The following CDKAL1 variants were observed in gnomAD, a reference collection of about 807,000 sequenced individuals.
CDKAL1 encodes the protein threonylcarbamoyladenosine tRNA methylthiotransferase.
Under a neutral mutation model 68.2 loss-of-function variants are expected in CDKAL1, and 32 were observed. The ratio of observed to expected loss-of-function variants is 0.47; its 90% confidence interval spans 0.35 to 0.63. CDKAL1 has a LOEUF of 0.63. Among genes scored for constraint, CDKAL1 ranks in the 30% least tolerant of loss-of-function variants. CDKAL1 has a pLI of 0.00. For missense variants in CDKAL1, 606 were observed against 696.7 expected, an observed-to-expected ratio of 0.87 and a Z score of 1.47; for synonymous variants, 234 against 244.3, an observed-to-expected ratio of 0.96 and a Z score of 0.39.
chr6:20,882,644 A>G (rs190534794), intron 9 of CDKAL1, among the ~76,000 whole-genome samples: 2 of 152,190 alleles, frequency 1.3e-5, no homozygotes, highest in Admixed American at 1.3e-4. Flanking sequence ...GCTGTGTGCT[A>G]TTCCATTGTA....
At chr6:21,175,070 T>C (rs1452716691) in intron 13 of CDKAL1, among the ~76,000 whole-genome samples, 1 of 152,138 alleles carries the variant, frequency 6.6e-6, no homozygotes, top group Non-Finnish European at 1.5e-5. Context: ...TTTTAAAATA[T>C]CTCTCTGGAT....
intron 10 of CDKAL1, 34 bp downstream of exon 10, chr6:20,955,619 A>G (rs376698933): frequency 6.3e-7 from 1 of 1,599,096 alleles, no homozygotes; most frequent in African/African-American, 1.3e-5. Context: ...ATGCTAACAT[A>G]GACACTAACC....
chr6:21,176,367 C>G (rs1325505672), intron 13 of CDKAL1, among the ~76,000 whole-genome samples: 1 of 152,208 alleles, frequency 6.6e-6, no homozygotes, highest in Non-Finnish European at 1.5e-5. Context: ...GTTACTGTTG[C>G]AAGGCCAAAC....
chr6:20,906,445 A>G (rs1439809644), intron 9 of CDKAL1, among the ~76,000 whole-genome samples: 1 of 152,170 alleles, frequency 6.6e-6, no homozygotes, highest in African/African-American at 2.4e-5. Context: ...AATACATATA[A>G]AATACACAGA....
intron 4 of CDKAL1, among the ~76,000 whole-genome samples, chr6:20,601,050 G>A (rs1474504969): frequency 2.0e-5 from 3 of 151,908 alleles, no homozygotes; most frequent in Admixed American, 6.6e-5. Context: ...GAGGGAATTG[G>A]CAGTTTCCTC....
intron 13 of CDKAL1, among the ~76,000 whole-genome samples, chr6:21,184,420 C>G (rs988275153): frequency 2.6e-5 from 4 of 152,060 alleles, no homozygotes; most frequent in African/African-American, 9.7e-5. Flanking sequence ...GTCTCTAACT[C>G]CTGGCCTCAA....
At chr6:20,742,870 A>G (rs1452670704) in intron 6 of CDKAL1, among the ~76,000 whole-genome samples, 2 of 151,784 alleles carry the variant, frequency 1.3e-5, no homozygotes, top group African/African-American at 4.8e-5. Flanking sequence ...ATTACATTTT[A>G]TTTATCATCA....
intron 9 of CDKAL1, among the ~76,000 whole-genome samples, chr6:20,846,700 T>G (rs938826261): frequency 1.3e-5 from 2 of 152,224 alleles, no homozygotes; most frequent in Admixed American, 1.3e-4. Context: ...AGAGGCCTAA[T>G]GAGAATGATT....
At chr6:20,878,765 C>T (rs958278489) in intron 9 of CDKAL1, among the ~76,000 whole-genome samples, 1 of 143,470 alleles carries the variant, frequency 7.0e-6, no homozygotes, top group African/African-American at 2.6e-5. Context: ...ACCATAGCAA[C>T]TCTATCAGAT....
chr6:20,853,402 CAAAAAAAAA>C (rs869195000), intron 9 of CDKAL1, among the ~76,000 whole-genome samples: 1 of 34,374 alleles, frequency 2.9e-5, no homozygotes. Flanking sequence ...AAAAAAAAAA[CAAAAAAAAA>C]AACCCTATAT....
intron 11 of CDKAL1, among the ~76,000 whole-genome samples, chr6:21,064,085 A>C (rs1056751188): frequency 3.3e-5 from 5 of 152,210 alleles, no homozygotes; most frequent in South Asian, 2.1e-4. Flanking sequence ...TTTCAGCTTA[A>C]AAAAAGAGGA....
intron 11 of CDKAL1, among the ~76,000 whole-genome samples, chr6:21,006,067 C>G (rs916721860): frequency 1.3e-5 from 2 of 152,052 alleles, no homozygotes; most frequent in African/African-American, 4.8e-5. Context: ...TCCAGCCCAT[C>G]CTATGACCTA....
At chr6:21,217,294 C>CTT (rs57097019) in intron 15 of CDKAL1, among the ~76,000 whole-genome samples, 1 of 142,822 alleles carries the variant, frequency 7.0e-6, no homozygotes, top group Non-Finnish European at 1.5e-5. Context: ...ATTTCTTTTT[C>CTT]TTTTTTTTTT....
intron 13 of CDKAL1, among the ~76,000 whole-genome samples, chr6:21,113,412 C>T (rs950436705): frequency 2.0e-5 from 3 of 151,816 alleles, no homozygotes; most frequent in Non-Finnish European, 4.4e-5. Flanking sequence ...TTTGGGAGGC[C>T]GAGGCAGTAG....
At chr6:20,611,097 G>C (rs1766598281) in intron 4 of CDKAL1, among the ~76,000 whole-genome samples, 1 of 152,006 alleles carries the variant, frequency 6.6e-6, no homozygotes, top group African/African-American at 2.4e-5. Context: ...TTCTCTGCAG[G>C]CATCTTTTGT....
chr6:21,060,448 A>G (rs1232492476), intron 11 of CDKAL1, among the ~76,000 whole-genome samples: 2 of 152,136 alleles, frequency 1.3e-5, no homozygotes, highest in African/African-American at 4.8e-5. Flanking sequence ...CAGCCTAACT[A>G]GTACATTACT....
chr6:20,765,447 C>T lies in CDKAL1; in HGVS notation c.517+6804C>T, dbSNP rs1486751466. Among the ~76,000 whole-genome samples, 19 of 30,116 alleles carry T rather than the reference C, an allele frequency of 6.3e-4. 6 individuals carry two copies. The highest frequency in any genetic ancestry group is 2.5e-3 in the African/African-American group (19 of 7,728). 19.8% of individuals were successfully genotyped at this position (30,116 alleles called of 152,430 possible). A position where few individuals can be genotyped will look rare whatever the true frequency, so the allele number is the denominator to read the frequency against. On this transcript the variant is annotated intron_variant, in intron 7 of 15. Coordinates refer to ENST00000274695, the MANE Select transcript of CDKAL1 (RefSeq NM_017774.3). Reference sequence around the variant, plus strand: ...CTGGGATTACAGGCGTGAGCCACCGCGCCCGGCCGGTTACATTCTTAAATG... The same window carrying T: ...CTGGGATTACAGGCGTGAGCCACCGTGCCCGGCCGGTTACATTCTTAAATG...
At chr6:20,867,851 A>T (rs1759989775) in intron 9 of CDKAL1, among the ~76,000 whole-genome samples, 1 of 152,208 alleles carries the variant, frequency 6.6e-6, no homozygotes, top group Non-Finnish European at 1.5e-5. Context: ...ATTACCTGTC[A>T]CCTGGAATCG....
intron 13 of CDKAL1, among the ~76,000 whole-genome samples, chr6:21,116,716 G>A (rs1774431008): frequency 6.6e-6 from 1 of 152,008 alleles, no homozygotes; most frequent in Non-Finnish European, 1.5e-5. Flanking sequence ...TCAGTAATAG[G>A]GAAAAGGCAA....
Sources: gnomAD v4.1 joint callset for allele counts (sites outside exome capture counted in the v4.1 genomes callset) on GRCh38, gnomAD v4.1.1 for gene constraint, MANE v1.5 for transcripts, NCBI Gene and HGNC (gene_info 2026-07-23, HGNC 2026-07-21) for gene names.